SLC22A25: variants seen among roughly 807,000 people sequenced by gnomAD.
SLC22A25 encodes MGI:2442751, MGI:2385316, MGI:3042283, MGI:3645714, MGI:3605624, MGI:2442750.
SLC22A25 carries 44 observed loss-of-function variants against 45.9 expected under a neutral mutation model. The ratio of observed to expected loss-of-function variants is 0.96; its 90% CI spans 0.75 to 1.23. SLC22A25 has a LOEUF of 1.23. Among genes scored for constraint, SLC22A25 ranks in the 50% most tolerant of loss-of-function variants. The pLI is 0.00. For missense variants in SLC22A25, 800 were observed against 666.4 expected, an observed-to-expected ratio of 1.20 and a Z score of -2.21; for synonymous variants, 283 against 238.6, an observed-to-expected ratio of 1.19 and a Z score of -1.72.
Position 63,229,368 on chromosome 11 carries a change from C to T in SLC22A25, c.285G>A (p.Gln95=). ...TCCCATTCAGATGAATGAGCTTCCACTGGGGATGGACAAAGCGACGACACT... is the reference window on the plus strand; with the variant it reads ...TCCCATTCAGATGAATGAGCTTCCATTGGGGATGGACAAAGCGACGACACT... ...PEKCRRFVHP[Q]WKLIHLNGTF... Residue 95 remains glutamine (Q), a synonymous_variant, in exon 4 of 12, where the codon CAG becomes CAA. Transcript: ENST00000306494. 5 of 1,614,020 alleles carry T rather than the reference C, an allele frequency of 3.1e-6. No homozygotes were observed. Among genetic ancestry groups the T allele is most frequent in the African/African-American group, 1.3e-5 (1 of 75,030 alleles).
chr11:63,213,829 A>G (rs1005772564), intron 7 of SLC22A25, among the ~76,000 whole-genome samples: 13 of 152,174 alleles, frequency 8.5e-5, no homozygotes, highest in Admixed American at 2.0e-4. Context: ...GATGTTGAAT[A>G]CTTCACTGAT....
At chr11:63,235,279 A>G (rs2090144103) in intron 3 of SLC22A25, among the ~76,000 whole-genome samples, 1 of 152,202 alleles carries the variant, frequency 6.6e-6, no homozygotes. Context: ...TTTCAGGTAC[A>G]CCAGTTAGAC....
intron 9 of SLC22A25, 182 bp from the exon 10 acceptor site, chr11:63,166,440 G>A: frequency 7.0e-7 from 1 of 1,422,104 alleles, no homozygotes; most frequent in South Asian, 1.5e-5. Context: ...TTAGATGATA[G>A]TGGTAACAAT....
chr11:63,221,483 T>A (rs1331095631), intron 5 of SLC22A25, among the ~76,000 whole-genome samples: 1 of 152,176 alleles, frequency 6.6e-6, no homozygotes, highest in Non-Finnish European at 1.5e-5. Flanking sequence ...TTGTTAGATT[T>A]TTTTTCCTAC....
Position 63,159,222 on chromosome 11 carries a change from A to G in SLC22A25, c.*4602T>C, listed in dbSNP as rs1370115899. Among the ~76,000 whole-genome samples the G allele has an allele frequency of 6.6e-6, 1 of 152,188 alleles. No individual in the cohort carries two copies. Among genetic ancestry groups the G allele is most frequent in the Admixed American group, 6.5e-5 (1 of 15,278 alleles). ...TGAACAGTTCTGCAACAAATGTGGG[A>G]GTGCAGATACGTCTTTGATATACTT... On this transcript the variant is annotated 3_prime_UTR_variant, in exon 12 of 12. Transcript: ENST00000306494.
intron 8 of SLC22A25, among the ~76,000 whole-genome samples, chr11:63,181,077 A>T (rs926619517): frequency 6.6e-6 from 1 of 152,020 alleles, no homozygotes; most frequent in African/African-American, 2.4e-5. Flanking sequence ...AAAAATGAAG[A>T]GTTACTTGGA....
At chr11:63,233,620 TG>T (rs1325832754) in intron 3 of SLC22A25, among the ~76,000 whole-genome samples, 4 of 152,218 alleles carry the variant, frequency 2.6e-5, no homozygotes, top group Non-Finnish European at 4.4e-5. Context: ...AAGGGTTTTT[TG>T]TGTCTCTATC....
At chr11:63,191,407 A>G (rs1032002383) in intron 7 of SLC22A25, among the ~76,000 whole-genome samples, 2 of 152,152 alleles carry the variant, frequency 1.3e-5, no homozygotes, top group African/African-American at 2.4e-5. Flanking sequence ...GCACAGTATT[A>G]GGGTGGGAGT....
Position 63,229,430 on chromosome 11 carries a change from T to G in SLC22A25, c.223A>C (p.Ile75Leu). ...GTLSQDALLR[I>L]SIPFDSNLRP... ...AGATTTGAGTCGAATGGGATGGAGATTCTCAGGAGGGCATCCTGGCTGAGG... is the reference window on the plus strand; with the variant it reads ...AGATTTGAGTCGAATGGGATGGAGAGTCTCAGGAGGGCATCCTGGCTGAGG... Residue 75 changes from isoleucine to leucine, a missense_variant, in exon 4 of 12, where the codon ATC becomes CTC. Physicochemically the swap from Ile to Leu is conservative, Grantham distance 5 (BLOSUM62 2). Transcript: ENST00000306494. 1.2e-5 allele frequency: 20 copies of G among 1,614,080 alleles called. No individual in the cohort carries two copies. Among genetic ancestry groups the G allele is most frequent in the Non-Finnish European group, 1.7e-5 (20 of 1,179,946 alleles).
chr11:63,202,419 C>T (rs1434861654), intron 7 of SLC22A25, among the ~76,000 whole-genome samples: 5 of 152,164 alleles, frequency 3.3e-5, no homozygotes. Flanking sequence ...ATTCTCACTG[C>T]CAGCACAGCA....
At chr11:63,167,924 G>A in intron 9 of SLC22A25, 2 of 402,162 alleles carry the variant, frequency 5.0e-6, no homozygotes, top group Non-Finnish European at 9.9e-6. Flanking sequence ...AGCTCTGGCT[G>A]GCATCAGGCA....
Position 63,238,702 on chromosome 11 carries a change from A to G in SLC22A25, c.-577+15T>C, listed in dbSNP as rs914152033. On this transcript the variant is annotated intron_variant, in intron 2 of 11. Coordinates refer to ENST00000306494, the MANE Select transcript of SLC22A25 (RefSeq NM_199352.6). ...ACTGTAGTTGTGTATGTAGGAGGAA[A>G]TTGGGGCCTCTTACCCAGTCACGAT... 5.3e-6 allele frequency: 1 copy of G among 187,594 alleles called. No homozygotes were observed. 11.6% of individuals were successfully genotyped at this position (187,594 alleles called of 1,614,324 possible).
chr11:63,237,537 A>G (rs2090185309), intron 3 of SLC22A25, among the ~76,000 whole-genome samples: 1 of 152,170 alleles, frequency 6.6e-6, no homozygotes, highest in Non-Finnish European at 1.5e-5. Flanking sequence ...CCAAGCCTCC[A>G]TAAACATGAA....
chr11:63,237,199 A>G (rs2090179472), intron 3 of SLC22A25, among the ~76,000 whole-genome samples: 1 of 152,178 alleles, frequency 6.6e-6, no homozygotes, highest in African/African-American at 2.4e-5. Flanking sequence ...AGAGGGAGGA[A>G]GGAGGGAGGA....
intron 3 of SLC22A25, among the ~76,000 whole-genome samples, chr11:63,233,565 G>C (rs939422494): frequency 6.6e-6 from 1 of 152,040 alleles, no homozygotes; most frequent in African/African-American, 2.4e-5. Flanking sequence ...TATCAATTTT[G>C]TTGATCTTTT....
intron 5 of SLC22A25, 61 bp downstream of exon 5, chr11:63,228,400 A>G (rs892188782): frequency 4.5e-6 from 6 of 1,329,264 alleles, no homozygotes; most frequent in Admixed American, 4.0e-5. Context: ...TTCTAGATGA[A>G]AAGTGTTTCA....
chr11:63,169,393 C>G (rs1314980236), intron 9 of SLC22A25, among the ~76,000 whole-genome samples: 2 of 152,086 alleles, frequency 1.3e-5, no homozygotes, highest in Non-Finnish European at 2.9e-5. Flanking sequence ...AGAGTCAAGA[C>G]CCACTGGTGT....
At chr11:63,236,627 C>T (rs561236933) in intron 3 of SLC22A25, among the ~76,000 whole-genome samples, 1 of 152,262 alleles carries the variant, frequency 6.6e-6, no homozygotes, top group Non-Finnish European at 1.5e-5. Flanking sequence ...TTGGCTCATG[C>T]ACGGTGTGCT....
chr11:63,227,472 G>A (rs1323971042), intron 5 of SLC22A25, among the ~76,000 whole-genome samples: 1 of 152,088 alleles, frequency 6.6e-6, no homozygotes, highest in Non-Finnish European at 1.5e-5. Flanking sequence ...AAGGGATCAT[G>A]ACTCTGCCCA....
Sources: allele counts gnomAD v4.1 joint callset (sites outside exome capture counted in the v4.1 genomes callset), GRCh38; gene constraint gnomAD v4.1.1; transcripts MANE v1.5; gene names NCBI Gene and HGNC (gene_info 2026-07-23, HGNC 2026-07-21).